The following CRAMP1 variants were observed in gnomAD, a reference collection of about 807,000 sequenced individuals.
The protein encoded by CRAMP1 is protein cramped-like.
In CRAMP1, 50 loss-of-function variants were observed where a neutral mutation model predicts 115.4. The ratio of observed to expected loss-of-function variants is 0.43; its 90% CI spans 0.35 to 0.55. The LOEUF is 0.55. CRAMP1 is among the 20% of genes least tolerant of loss of function. The probability of loss-of-function intolerance (pLI) is 0.01; values close to 1 mark genes in which losing one functional copy is unlikely to be tolerated. For missense variants in CRAMP1, 1,679 were observed against 1,721.7 expected (o/e 0.98, Z 0.44); for synonymous variants, 866 against 745.4 (o/e 1.16, Z -2.64).
intron 6 of CRAMP1, among the ~76,000 whole-genome samples, chr16:1,646,267 C>A (rs557819188): frequency 6.6e-6 from 1 of 152,262 alleles, no homozygotes; most frequent in South Asian, 2.1e-4. Flanking sequence ...GGTTTTCGGT[C>A]CCCAGGAGGA....
At chr16:1,670,517 C>T in intron 19 of CRAMP1, 147 bp from the exon 20 acceptor site, 1 of 779,380 alleles carries the variant, frequency 1.3e-6, no homozygotes. Context: ...GTGTTGAGTC[C>T]CTCGGAAGCT....
At chr16:1,628,665 C>T (rs773482869) in intron 3 of CRAMP1, among the ~76,000 whole-genome samples, 2 of 152,204 alleles carry the variant, frequency 1.3e-5, no homozygotes, top group Non-Finnish European at 2.9e-5. Context: ...AACCCTCAAG[C>T]TGTGGGGTGA....
At chr16:1,668,333 T>C in intron 18 of CRAMP1, 140 bp downstream of exon 18, 1 of 689,978 alleles carries the variant, frequency 1.4e-6, no homozygotes, top group Admixed American at 2.4e-5. Flanking sequence ...GTGCTGCCTG[T>C]CTCCAGCAGG....
At chr16:1,642,829 CTT>C (rs1465259193) in intron 6 of CRAMP1, among the ~76,000 whole-genome samples, 2 of 152,372 alleles carry the variant, frequency 1.3e-5, no homozygotes, top group South Asian at 2.1e-4. Context: ...GTTCCAGACT[CTT>C]TGCTGTATGC....
At chr16:1,631,298 G>A (rs181231681) in intron 3 of CRAMP1, among the ~76,000 whole-genome samples, 2 of 152,150 alleles carry the variant, frequency 1.3e-5, no homozygotes, top group African/African-American at 2.4e-5. Flanking sequence ...CGGCTTTCTC[G>A]CCCCGTTGGT....
Position 1,669,184 on chromosome 16 carries a change from C to T in CRAMP1, c.3499+19C>T, listed in dbSNP as rs1387673565. 1 of 1,543,284 alleles carries T rather than the reference C, an allele frequency of 6.5e-7. No individual in the cohort carries two copies. Among genetic ancestry groups the T allele is most frequent in the Non-Finnish European group, 8.7e-7 (1 of 1,144,464 alleles). On this transcript the variant is annotated intron_variant, in intron 19 of 20. Coordinates refer to ENST00000397412, the MANE Select transcript of CRAMP1 (RefSeq NM_020825.4). This position sits in a 1 kb window ranked among gnomAD's most constrained non-coding sequence, Gnocchi z 4.6. ...CTGTTTGGTGAGTGTATGGGGAGGG[C>T]TCCCATCTCCTTTTCCAGGGCAGCA...
intron 18 of CRAMP1, among the ~76,000 whole-genome samples, chr16:1,668,518 A>G (rs2142208509): frequency 6.6e-6 from 1 of 152,304 alleles, no homozygotes; most frequent in African/African-American, 2.4e-5. Flanking sequence ...GGGGTCTTGC[A>G]CAGCTTGTGA....
Position 1,653,125 on chromosome 16 carries a change from G to A in CRAMP1, c.1006G>A (p.Val336Met), listed in dbSNP as rs1184450872. 6.2e-7 allele frequency: 1 copy of A among 1,610,892 alleles called. No homozygotes were observed. The highest frequency in any genetic ancestry group is 8.5e-7 in the Non-Finnish European group (1 of 1,178,612). Reference sequence around the variant, plus strand: ...GCGGAACAACCACGCCTGGGCCCGTGTGCAGAGCCTTGCCCAGAACCCACG... The same window carrying A: ...GCGGAACAACCACGCCTGGGCCCGTATGCAGAGCCTTGCCCAGAACCCACG... ...QPRNNHAWAR[V>M]QSLAQNPRLR... Residue 336 changes from valine to methionine, a missense_variant, in exon 8 of 21, where the codon GTG becomes ATG. Coordinates refer to ENST00000397412, the MANE Select transcript of CRAMP1 (RefSeq NM_020825.4).
intron 2 of CRAMP1, among the ~76,000 whole-genome samples, chr16:1,615,264 A>G (rs1369617764): frequency 6.6e-6 from 1 of 152,204 alleles, no homozygotes; most frequent in Non-Finnish European, 1.5e-5. Flanking sequence ...CCAAAGGATC[A>G]CTGATGGTTT....
At chr16:1,634,608 T>C (rs1165499182) in intron 4 of CRAMP1, among the ~76,000 whole-genome samples, 1 of 152,170 alleles carries the variant, frequency 6.6e-6, no homozygotes, top group East Asian at 1.9e-4. Flanking sequence ...CTCCTGTTCG[T>C]GCATCTTTGG....
At chr16:1,644,435 T>G (rs1044369851) in intron 6 of CRAMP1, among the ~76,000 whole-genome samples, 1 of 152,194 alleles carries the variant, frequency 6.6e-6, no homozygotes. Context: ...ACAGCTGTGG[T>G]GTGGCAGCTG....
At position 1,676,795 on chromosome 16, in the gene CRAMP1, G is replaced by A. The variant is rs952544774; in HGVS notation, c.*2750G>A. 2 of 152,274 alleles carry A rather than the reference G, an allele frequency of 1.3e-5. No homozygotes were observed. The highest frequency in any genetic ancestry group is 2.4e-5 in the African/African-American group (1 of 41,448). 9.4% of individuals were successfully genotyped at this position (152,274 alleles called of 1,614,324 possible). ...ATAAGCGGGCATTGCGTGCCTCGGG[G>A]GATGCCTAGTTCGTGGCTTCCTGGC... On this transcript the variant is annotated 3_prime_UTR_variant, in exon 21 of 21. Transcript: ENST00000397412.
intron 6 of CRAMP1, among the ~76,000 whole-genome samples, chr16:1,646,084 G>C (rs1183077016): frequency 6.6e-6 from 1 of 152,180 alleles, no homozygotes; most frequent in African/African-American, 2.4e-5. Context: ...AGGCTCTTCC[G>C]TGTTGACTTG....
intron 3 of CRAMP1, among the ~76,000 whole-genome samples, chr16:1,626,751 A>G (rs2036511428): frequency 1.3e-5 from 2 of 152,066 alleles, no homozygotes; most frequent in African/African-American, 2.4e-5. Flanking sequence ...ATACTTTTTA[A>G]TTAACATTGC....
At chr16:1,647,641 C>T (rs2036687197) in intron 6 of CRAMP1, among the ~76,000 whole-genome samples, 1 of 149,474 alleles carries the variant, frequency 6.7e-6, no homozygotes, top group African/African-American at 2.5e-5. Context: ...ACTCGGGAGG[C>T]TGGGGCATGA....
intron 17 of CRAMP1, 150 bp from the exon 18 acceptor site, chr16:1,667,812 G>A (rs1231509702): frequency 1.1e-5 from 7 of 616,694 alleles, no homozygotes; most frequent in East Asian, 8.2e-5. Context: ...AATTCCCCGA[G>A]TGTGTTCCTG....
chr16:1,667,249 T>C, intron 16 of CRAMP1, 86 bp from the exon 17 acceptor site: 1 of 1,118,862 alleles, frequency 8.9e-7, no homozygotes. Flanking sequence ...ATGGAACGCC[T>C]CTTTTTCTGG....
At chr16:1,667,079 T>G (rs1013441492) in intron 16 of CRAMP1, among the ~76,000 whole-genome samples, 1 of 152,206 alleles carries the variant, frequency 6.6e-6, no homozygotes, top group African/African-American at 2.4e-5. Context: ...AGCCCAGCCC[T>G]GCCTGCCACA....
At chr16:1,625,682 C>T in intron 2 of CRAMP1, 1 of 273,022 alleles carries the variant, frequency 3.7e-6, no homozygotes, top group Admixed American at 5.0e-5. Flanking sequence ...CCATTGTGGA[C>T]AGGGCGTCTT....
Sources: allele counts gnomAD v4.1 joint callset (sites outside exome capture counted in the v4.1 genomes callset), GRCh38; gene constraint gnomAD v4.1.1; non-coding constraint Gnocchi (gnomAD v3.1); transcripts MANE v1.5; gene names NCBI Gene and HGNC (gene_info 2026-07-23, HGNC 2026-07-21).